Variants in PPP1R14C observed in about 807,000 individuals in gnomAD.
PPP1R14C encodes protein phosphatase 1 regulatory inhibitor subunit 14C.
A neutral mutation model predicts 20.4 loss-of-function variants in PPP1R14C; 16 were observed. The observed-to-expected ratio is 0.78, with a 90% confidence interval of 0.53 to 1.19. The LOEUF is 1.19. Ranked by LOEUF, PPP1R14C falls within the 50% of genes most tolerant of loss-of-function variation. The pLI, the probability that PPP1R14C is intolerant of heterozygous loss-of-function variation, is 0.00. For missense variants in PPP1R14C, 211 were observed against 220.1 expected, an observed-to-expected ratio of 0.96 and a Z score of 0.26; for synonymous variants, 91 against 91.0, an observed-to-expected ratio of 1.00 and a Z score of 0.00.
At chr6:150,177,214 A>G (rs922133721) in intron 1 of PPP1R14C, among the ~76,000 whole-genome samples, 1 of 152,184 alleles carries the variant, frequency 6.6e-6, no homozygotes, top group African/African-American at 2.4e-5. Flanking sequence ...ATTTGAAAAC[A>G]GGGGTGCACT....
At chr6:150,218,712 A>G (rs1290900715) in intron 3 of PPP1R14C, among the ~76,000 whole-genome samples, 1 of 151,952 alleles carries the variant, frequency 6.6e-6, no homozygotes, top group African/African-American at 2.4e-5. Context: ...GCAGTGGTGC[A>G]ATCATAACTC....
At chr6:150,232,180 A>AT (rs369598175) in intron 3 of PPP1R14C, among the ~76,000 whole-genome samples, 6,001 of 121,310 alleles carry the variant, frequency 0.049, 384 homozygotes, top group African/African-American at 0.18. Flanking sequence ...AGGTTGAGAC[A>AT]TTTTTTTTTT....
In PPP1R14C at chr6:150,208,450, A is replaced by AT. The variant is rs534378352; in HGVS notation, c.307-6285dup. ...GTTGGGCCCCTTGTTAAGTGGGAAC[A>AT]TTTTTTTTTGCAGATTCCAGGGCTG... On this transcript the variant is annotated intron_variant, in intron 1 of 3. Transcript: ENST00000361131. Among the ~76,000 whole-genome samples the AT allele has an allele frequency of 9.9e-5, 15 of 150,890 alleles. No homozygotes were observed. In the East Asian group the frequency reaches 1.6e-3, roughly 16 times the overall value.
intron 1 of PPP1R14C, among the ~76,000 whole-genome samples, chr6:150,162,567 T>C (rs548610456): frequency 6.6e-6 from 1 of 152,340 alleles, no homozygotes; most frequent in East Asian, 1.9e-4. Context: ...ATTGTACAAA[T>C]GTACCACAGT....
intron 1 of PPP1R14C, among the ~76,000 whole-genome samples, chr6:150,146,802 G>A (rs1408406782): frequency 1.3e-5 from 2 of 152,182 alleles, no homozygotes; most frequent in African/African-American, 2.4e-5. Flanking sequence ...AGGGGCACTG[G>A]TTCTGGATAG....
intron 3 of PPP1R14C, among the ~76,000 whole-genome samples, chr6:150,235,294 T>TA (rs1778347328): frequency 6.6e-6 from 1 of 152,176 alleles, no homozygotes; most frequent in African/African-American, 2.4e-5. Context: ...CTCGCTTTAT[T>TA]ACCTGGGCTG....
chr6:150,239,623 T>A (rs1156929581), intron 3 of PPP1R14C, among the ~76,000 whole-genome samples: 3 of 152,218 alleles, frequency 2.0e-5, no homozygotes, highest in African/African-American at 7.2e-5. Flanking sequence ...AGTAAATGTC[T>A]GCATCAGGAA....
chr6:150,210,178 C>T (rs944027984), intron 1 of PPP1R14C, among the ~76,000 whole-genome samples: 3 of 152,130 alleles, frequency 2.0e-5, no homozygotes, highest in African/African-American at 7.2e-5. Flanking sequence ...AATGCGGAGT[C>T]CCACTGCTGC....
intron 1 of PPP1R14C, among the ~76,000 whole-genome samples, chr6:150,147,126 C>CTTTTTTTTTT: frequency 7.5e-6 from 1 of 133,388 alleles, no homozygotes; most frequent in Non-Finnish European, 1.6e-5. Flanking sequence ...GTTTAAAGAC[C>CTTTTTTTTTT]TTTTTTTTTT....
chr6:150,248,941 C>G lies in PPP1R14C; in HGVS notation c.*121C>G, dbSNP rs78306364. The G allele has an allele frequency of 4.0e-6, 2 of 497,008 alleles. No homozygotes were observed. Among genetic ancestry groups the G allele is most frequent in the Non-Finnish European group, 6.9e-6 (2 of 291,650 alleles). The allele number at this position is 497,008 out of a possible 1,614,324, so 30.8% of individuals were successfully genotyped here. ...ACAACGTTTTTGTTTTTTTTTTTTT[C>G]TTTTTTGGTGTGAAGGTGGGGGGGT... On this transcript the variant is annotated 3_prime_UTR_variant, in exon 4 of 4. Transcript: ENST00000361131.
At chr6:150,161,103 A>T (rs1384753450) in intron 1 of PPP1R14C, among the ~76,000 whole-genome samples, 1 of 152,094 alleles carries the variant, frequency 6.6e-6, no homozygotes, top group Non-Finnish European at 1.5e-5. Flanking sequence ...AACATGGTGA[A>T]ACCCCATCTC....
intron 1 of PPP1R14C, among the ~76,000 whole-genome samples, chr6:150,177,433 G>A (rs1184973875): frequency 1.3e-5 from 2 of 152,194 alleles, no homozygotes; most frequent in Admixed American, 6.5e-5. Context: ...GTGACCAAAA[G>A]GCTGGGACCT....
chr6:150,207,238 A>C (rs1006620846), intron 1 of PPP1R14C, among the ~76,000 whole-genome samples: 4 of 152,216 alleles, frequency 2.6e-5, no homozygotes, highest in African/African-American at 9.6e-5. Flanking sequence ...CATTGGTTTA[A>C]CTTTAAAAAC....
intron 1 of PPP1R14C, among the ~76,000 whole-genome samples, chr6:150,178,830 CA>C (rs1325748774): frequency 6.6e-6 from 1 of 152,010 alleles, no homozygotes; most frequent in Non-Finnish European, 1.5e-5. Flanking sequence ...TCAGATCTCA[CA>C]GGGGACAAAT....
intron 1 of PPP1R14C, among the ~76,000 whole-genome samples, chr6:150,149,299 A>ATATGTGTG (rs1554280427): frequency 1.5e-3 from 221 of 147,444 alleles, no homozygotes; most frequent in African/African-American, 4.0e-3. Flanking sequence ...CTCCATACAT[A>ATATGTGTG]TGTGTGTGTG....
chr6:150,146,432 G>C (rs1777181584), intron 1 of PPP1R14C, among the ~76,000 whole-genome samples: 1 of 152,208 alleles, frequency 6.6e-6, no homozygotes, highest in Non-Finnish European at 1.5e-5. Flanking sequence ...TCTGTCCACT[G>C]ATCTTGACAG....
chr6:150,174,418 G>A (rs62440054), intron 1 of PPP1R14C, among the ~76,000 whole-genome samples: 68,759 of 151,310 alleles, frequency 0.45, 15,799 homozygotes, highest in Admixed American at 0.53. Context: ...GGGTTTCACC[G>A]TGTTAGCCAG....
At chr6:150,203,185 C>A (rs1038443885) in intron 1 of PPP1R14C, among the ~76,000 whole-genome samples, 3 of 152,190 alleles carry the variant, frequency 2.0e-5, no homozygotes, top group African/African-American at 7.2e-5. Flanking sequence ...GGTTTTCTGG[C>A]CTGAAAATTG....
At chr6:150,206,143 T>C (rs181610145) in intron 1 of PPP1R14C, among the ~76,000 whole-genome samples, 1 of 152,188 alleles carries the variant, frequency 6.6e-6, no homozygotes, top group South Asian at 2.1e-4. Context: ...TGTTTTCCCT[T>C]GATGCTGTGT....
Sources: gnomAD v4.1 joint callset for allele counts (sites outside exome capture counted in the v4.1 genomes callset) on GRCh38, gnomAD v4.1.1 for gene constraint, MANE v1.5 for transcripts, NCBI Gene and HGNC (gene_info 2026-07-23, HGNC 2026-07-21) for gene names.